TUSC3: variants seen among roughly 807,000 people sequenced by gnomAD.
TUSC3 encodes the protein tumor suppressor candidate 3.
Under a neutral mutation model 44.8 loss-of-function variants are expected in TUSC3, and 45 were observed. The ratio of observed to expected loss-of-function variants is 1.00; its 90% confidence interval spans 0.79 to 1.29. The LOEUF is 1.29. TUSC3 is among the 50% of genes most tolerant of loss of function. The probability of loss-of-function intolerance (pLI) is 0.00; values close to 1 mark genes in which losing one functional copy is unlikely to be tolerated. For synonymous variants in TUSC3, 212 were observed against 152.9 expected (o/e 1.39, Z -2.85); for missense variants, 519 against 437.9 (o/e 1.19, Z -1.65).
chr8:15,707,149 TGAGA>T (rs1286057636), intron 6 of TUSC3, among the ~76,000 whole-genome samples: 1 of 152,046 alleles, frequency 6.6e-6, no homozygotes, highest in South Asian at 2.1e-4. Context: ...ATGGTATATT[TGAGA>T]GTTAGTCACT....
At chr8:15,555,368 T>G (rs1563287385) in intron 1 of TUSC3, among the ~76,000 whole-genome samples, 1 of 138,942 alleles carries the variant, frequency 7.2e-6, no homozygotes, top group Non-Finnish European at 1.5e-5. Flanking sequence ...GGGATCACAG[T>G]TCACTGTGGC....
At chr8:15,779,680 A>C in the TUSC3 span, among the ~76,000 whole-genome samples, 1 of 152,218 alleles carries the variant, frequency 6.6e-6, no homozygotes, top group African/African-American at 2.4e-5. Flanking sequence ...AGAGTATCAA[A>C]AGTTAGTCTT....
At chr8:15,630,511 C>T (rs970317684) in intron 2 of TUSC3, among the ~76,000 whole-genome samples, 3 of 151,910 alleles carry the variant, frequency 2.0e-5, no homozygotes, top group African/African-American at 7.3e-5. Flanking sequence ...GAACAAAACT[C>T]GTTTTATAAA....
chr8:15,437,789 A>T (rs998985365), intron 1 of TUSC3, among the ~76,000 whole-genome samples: 1 of 152,138 alleles, frequency 6.6e-6, no homozygotes, highest in African/African-American at 2.4e-5. Flanking sequence ...CGAGTTTCAG[A>T]TTTTCTCCTA....
intron 1 of TUSC3, among the ~76,000 whole-genome samples, chr8:15,602,253 A>G (rs528140512): frequency 2.0e-5 from 3 of 151,730 alleles, no homozygotes; most frequent in South Asian, 4.1e-4. Flanking sequence ...TTTTGAATAA[A>G]TCTATTTTCT....
intron 6 of TUSC3, among the ~76,000 whole-genome samples, chr8:15,697,283 T>C (rs2129193428): frequency 6.6e-6 from 1 of 152,368 alleles, no homozygotes; most frequent in East Asian, 1.9e-4. Context: ...TTTCATTTAG[T>C]TCTGCTCTGA....
At chr8:15,496,947 G>A (rs999029932) in intron 2 of TUSC3, among the ~76,000 whole-genome samples, 5 of 152,064 alleles carry the variant, frequency 3.3e-5, no homozygotes, top group African/African-American at 9.7e-5. Flanking sequence ...CTTACTACCT[G>A]CCAGAACCTG....
intron 2 of TUSC3, among the ~76,000 whole-genome samples, chr8:15,512,640 G>A (rs1036757115): frequency 3.3e-5 from 5 of 151,918 alleles, no homozygotes; most frequent in Middle Eastern, 3.4e-3. Flanking sequence ...TGGCATGGTG[G>A]TACACACCTA....
chr8:15,629,087 G>C (rs1054769524), intron 2 of TUSC3, among the ~76,000 whole-genome samples: 3 of 152,184 alleles, frequency 2.0e-5, no homozygotes, highest in Middle Eastern at 3.2e-3. Flanking sequence ...TAAGTAACTT[G>C]CTGAAGTGTG....
At chr8:15,517,022 C>G (rs1801225532) in intron 2 of TUSC3, among the ~76,000 whole-genome samples, 1 of 152,070 alleles carries the variant, frequency 6.6e-6, no homozygotes, top group Admixed American at 6.5e-5. Context: ...ATCATCTAGT[C>G]CATGGTACCA....
intron 6 of TUSC3, among the ~76,000 whole-genome samples, chr8:15,722,678 A>C (rs981840026): frequency 1.3e-5 from 2 of 152,116 alleles, no homozygotes; most frequent in African/African-American, 4.8e-5. Context: ...GCAACTTGCC[A>C]CAGCTCTCTA....
intron 7 of TUSC3, among the ~76,000 whole-genome samples, chr8:15,740,872 A>G (rs953435598): frequency 6.6e-6 from 1 of 152,216 alleles, no homozygotes; most frequent in Non-Finnish European, 1.5e-5. Flanking sequence ...AAGCATTTGG[A>G]AACAAATGCC....
At chr8:15,650,444 T>G (rs1481400356) in intron 2 of TUSC3, among the ~76,000 whole-genome samples, 3 of 152,174 alleles carry the variant, frequency 2.0e-5, no homozygotes, top group Non-Finnish European at 4.4e-5. Context: ...TTATAGCACA[T>G]AAGCAATATG....
the TUSC3 span, among the ~76,000 whole-genome samples, chr8:15,804,411 T>C: frequency 6.6e-6 from 1 of 152,230 alleles, no homozygotes; most frequent in Non-Finnish European, 1.5e-5. Flanking sequence ...TTAAGGCTGA[T>C]GTCCTGACTG....
chr8:15,518,836 C>T (rs1048938662), intron 2 of TUSC3, among the ~76,000 whole-genome samples: 1 of 152,094 alleles, frequency 6.6e-6, no homozygotes, highest in Admixed American at 6.5e-5. Flanking sequence ...CTCAAATTCC[C>T]ATCTAAATAT....
rs191492680 is a variant in TUSC3, at chr8:15,723,147, A to G, written c.799-7519A>G. Among the ~76,000 whole-genome samples the G allele has an allele frequency of 1.7e-4, 26 of 152,204 alleles. No individual in the cohort carries two copies. In the East Asian group the frequency reaches 3.9e-3, roughly 23 times the overall value. On this transcript the variant is annotated intron_variant, in intron 6 of 10. Coordinates refer to ENST00000503731, the MANE Select transcript of TUSC3 (RefSeq NM_006765.4). ...CTTAGGTTAAGTATCAACCTTTTTG[A>G]TCCTCAAATAGGAAAATAAAATTCT...
Position 15,743,583 on chromosome 8 carries a change from C to G in TUSC3, c.908C>G (p.Thr303Ser), listed in dbSNP as rs727504212. ...ATGGTTCTTCTAAATGAAGCAGCAACTTCGAAAGGCGATGTTGGAAAAAGA... is the reference window on the plus strand; with the variant it reads ...ATGGTTCTTCTAAATGAAGCAGCAAGTTCGAAAGGCGATGTTGGAAAAAGA... ...MGMVLLNEAA[T>S]SKGDVGKRRI... is the part of the protein sequence containing the mutation. The change falls in exon 8 of 11, where the codon ACT becomes AGT. Residue 303 changes from threonine (T) to serine (S), a missense_variant. Physicochemically the swap from Thr to Ser is moderately conservative, Grantham distance 58. Transcript: ENST00000503731. 21 of 1,613,922 alleles carry G rather than the reference C, an allele frequency of 1.3e-5. No homozygotes were observed. In the Admixed American group the frequency reaches 1.3e-4, roughly 10 times the overall value.
Position 15,464,118 on chromosome 8 carries a change from A to G in TUSC3, n.92-19268A>G, listed in dbSNP as rs574547023. Among the ~76,000 whole-genome samples, 22 of 152,332 alleles carry G rather than the reference A, an allele frequency of 1.4e-4. 1 individual carries two copies. Among genetic ancestry groups the G allele is most frequent in the African/African-American group, 5.0e-4 (21 of 41,588 alleles). On this transcript the variant is annotated intron_variant and non_coding_transcript_variant, in intron 1 of 5. Coordinates refer to the TUSC3 transcript ENST00000503191. Reference sequence around the variant, plus strand: ...CTAGTCAACTGGAGCATGGCAAATTAGCCAAAATGGTTTACTGGTTACCAT... The same window carrying G: ...CTAGTCAACTGGAGCATGGCAAATTGGCCAAAATGGTTTACTGGTTACCAT...
At chr8:15,782,951 G>A in the TUSC3 span, among the ~76,000 whole-genome samples, 4 of 151,972 alleles carry the variant, frequency 2.6e-5, no homozygotes, top group Non-Finnish European at 4.4e-5. Context: ...GTAACATGAT[G>A]TGATAAAAAA....
Sources: gnomAD v4.1 joint callset for allele counts (sites outside exome capture counted in the v4.1 genomes callset) on GRCh38, gnomAD v4.1.1 for gene constraint, MANE v1.5 for transcripts, NCBI Gene and HGNC (gene_info 2026-07-23, HGNC 2026-07-21) for gene names.